The following WDR44 variants were observed in gnomAD, a reference collection of about 807,000 sequenced individuals.
WDR44 encodes WD repeat-containing protein 44.
Under a neutral mutation model 65.7 loss-of-function variants are expected in WDR44, and 9 were observed. The observed-to-expected ratio is 0.14, with a 90% CI of 0.08 to 0.24. The LOEUF is 0.24. Ranked by LOEUF, WDR44 falls within the 10% of genes least tolerant of loss-of-function variation. The probability of loss-of-function intolerance (pLI) is 1.00; values close to 1 mark genes in which losing one functional copy is unlikely to be tolerated. For synonymous variants in WDR44, 220 were observed against 235.2 expected (o/e 0.94, Z 0.59); for missense variants, 425 against 670.9 (o/e 0.63, Z 4.05).
Position 118,439,374 on chromosome X carries a change from A to G in WDR44, c.1975-1994A>G, listed in dbSNP as rs183220868. On this transcript the variant is annotated intron_variant, in intron 14 of 19. Transcript: ENST00000254029. ...GTGGATCACCTGAGGTCAGGAGTTC[A>G]AGACCAGCCTGGCCAACATGGTGAA... Among the ~76,000 whole-genome samples, 927 of 107,634 alleles carry G rather than the reference A, an allele frequency of 8.6e-3. 6 individuals carry two copies. The highest frequency in any genetic ancestry group is 0.028 in the African/African-American group (825 of 29,607). 93.5% of individuals were successfully genotyped at this position (107,634 alleles called of 115,157 possible). A position where few individuals can be genotyped will look rare whatever the true frequency, so the allele number is the denominator to read the frequency against.
At chrX:118,388,059 G>A (rs1398724955) in intron 3 of WDR44, among the ~76,000 whole-genome samples, 1 of 111,287 alleles carries the variant, frequency 9.0e-6, no homozygotes, top group Admixed American at 9.6e-5. Flanking sequence ...ACTGGCACTC[G>A]ACATTTTGGG....
At chrX:118,414,504 A>T (rs1451577912) in intron 12 of WDR44, among the ~76,000 whole-genome samples, 2 of 110,725 alleles carry the variant, frequency 1.8e-5, no homozygotes, top group Non-Finnish European at 3.8e-5. Flanking sequence ...GATTCTACCC[A>T]TCCATGAGCA....
At chrX:118,437,990 C>G (rs750924092) in intron 14 of WDR44, among the ~76,000 whole-genome samples, 1 of 108,159 alleles carries the variant, frequency 9.2e-6, no homozygotes. Flanking sequence ...GAGCTGAGAT[C>G]GCGCCAGCCT....
intron 1 of WDR44, among the ~76,000 whole-genome samples, chrX:118,352,531 A>T (rs2056424669): frequency 9.5e-6 from 1 of 104,747 alleles, no homozygotes; most frequent in African/African-American, 3.5e-5. Flanking sequence ...AAATAGTTTT[A>T]GGATGTGAAG....
At position 118,422,703 on chromosome X, in the gene WDR44, A is replaced by T. The variant is rs564837187; in HGVS notation, c.1738-10078A>T. ...CAAAACTCCGTCTCAAAAAAAAAAA[A>T]AGAAAAATTTCTGAGAGTATATCAT... On this transcript the variant is annotated intron_variant, in intron 12 of 19. Coordinates refer to ENST00000254029, the MANE Select transcript of WDR44 (RefSeq NM_019045.5). Among the ~76,000 whole-genome samples the T allele has an allele frequency of 9.0e-5, 10 of 111,533 alleles. No individual in the cohort carries two copies. In the East Asian group the frequency reaches 2.2e-3, roughly 25 times the overall value.
intron 19 of WDR44, chrX:118,447,010 C>T (rs2057351574): frequency 3.2e-6 from 1 of 309,984 alleles, no homozygotes; most frequent in Non-Finnish European, 6.1e-6. Flanking sequence ...GCTAGGACTA[C>T]ACGTACTACC....
chrX:118,346,689 C>T, intron 1 of WDR44, 109 bp downstream of exon 1: 2 of 615,861 alleles, frequency 3.2e-6, no homozygotes, highest in Non-Finnish European at 4.8e-6. Context: ...CACCGCTGTT[C>T]CTCCCCGTCT....
chrX:118,440,616 G>A (rs193243804), intron 14 of WDR44, among the ~76,000 whole-genome samples: 394 of 110,303 alleles, frequency 3.6e-3, no homozygotes, highest in African/African-American at 0.012. Flanking sequence ...CCGTAAACAC[G>A]CCCCCCCAAA....
chrX:118,412,181 A>G lies in WDR44; in HGVS notation c.1737+1222A>G, dbSNP rs149668506. On this transcript the variant is annotated intron_variant, in intron 12 of 19. Coordinates refer to ENST00000254029, the MANE Select transcript of WDR44 (RefSeq NM_019045.5). ...AGCGTGTCAGACCCAGGGACTAGCAAGTGCAAAAGCATGGAGGCTAGTATG... is the reference window on the plus strand; with the variant it reads ...AGCGTGTCAGACCCAGGGACTAGCAGGTGCAAAAGCATGGAGGCTAGTATG... Among the ~76,000 whole-genome samples the G allele has an allele frequency of 7.7e-3, 861 of 112,140 alleles. 10 individuals carry two copies. The highest frequency in any genetic ancestry group is 0.027 in the African/African-American group (824 of 30,930).
chrX:118,415,203 C>T (rs965062194), intron 12 of WDR44, among the ~76,000 whole-genome samples: 5 of 104,086 alleles, frequency 4.8e-5, no homozygotes, highest in African/African-American at 2.0e-4. Context: ...TATGTTAAAC[C>T]ATCCCTGCAT....
In WDR44 at chrX:118,387,730, A is replaced by G. The variant is rs187268128; in HGVS notation, c.186+316A>G. Among the ~76,000 whole-genome samples the G allele has an allele frequency of 1.4e-4, 16 of 111,938 alleles. No individual in the cohort carries two copies. In the East Asian group the frequency reaches 4.5e-3, roughly 31 times the overall value. On this transcript the variant is annotated intron_variant, in intron 3 of 19. Transcript: ENST00000254029. ...AGGAGTTATGGGTATTGAAAAGCTC[A>G]GTGCAGCAACATTCTGATGTCTTTA... is the stretch of plus-strand genomic sequence containing the variant.
intron 1 of WDR44, among the ~76,000 whole-genome samples, chrX:118,361,253 A>G (rs1190204551): frequency 1.8e-5 from 2 of 111,828 alleles, no homozygotes; most frequent in East Asian, 2.8e-4. Flanking sequence ...ATGTAAGTTT[A>G]GTCTACACAC....
At chrX:118,407,849 A>C (rs770100266) in intron 10 of WDR44, among the ~76,000 whole-genome samples, 1 of 112,392 alleles carries the variant, frequency 8.9e-6, no homozygotes, top group East Asian at 2.8e-4. Context: ...GATAAAATTT[A>C]GATCTGAATA....
chrX:118,364,734 T>C (rs2056539305), intron 1 of WDR44, among the ~76,000 whole-genome samples: 1 of 112,338 alleles, frequency 8.9e-6, no homozygotes, highest in South Asian at 3.7e-4. Context: ...AGATTGTCTG[T>C]TCCAGCCTTC....
chrX:118,409,340 G>A lies in WDR44; in HGVS notation c.1534-149G>A, dbSNP rs754890187. 924 of 483,839 alleles carry A rather than the reference G, an allele frequency of 1.9e-3. 3 individuals are homozygous for A. The highest frequency in any genetic ancestry group is 2.6e-3 in the Non-Finnish European group (787 of 305,402). The allele number at this position is 483,839 out of a possible 1,213,427, so 39.9% of individuals were successfully genotyped here. On this transcript the variant is annotated intron_variant, in intron 10 of 19. Coordinates refer to ENST00000254029, the MANE Select transcript of WDR44 (RefSeq NM_019045.5). ...AGATGGGGTTTTACCATGTTGGCCA[G>A]GCTGGTCTCGAACTCCTGACCTTAG...
Position 118,442,672 on chromosome X carries a change from A to G in WDR44, c.2376A>G (p.Ala792=). 2 of 1,204,545 alleles carry G rather than the reference A, an allele frequency of 1.7e-6. No homozygotes were observed. The highest frequency in any genetic ancestry group is 2.2e-6 in the Non-Finnish European group (2 of 889,581). Residue 792 remains alanine (A), a synonymous_variant, in exon 17 of 20, where the codon GCA becomes GCG. Coordinates refer to ENST00000254029, the MANE Select transcript of WDR44 (RefSeq NM_019045.5). ...TCAATAGCAGCAGCCAGATCAAAGC[A>G]AGTTTCAGGTAAATTGGCAATGAGA... is the stretch of plus-strand genomic sequence containing the variant. The part of the protein sequence containing the change: ...GYVNSSSQIK[A]SFSHDFTYLV...
Position 118,354,524 on chromosome X carries a change from T to C in WDR44, c.77+7944T>C, listed in dbSNP as rs772310425. On this transcript the variant is annotated intron_variant, in intron 1 of 19. Coordinates refer to ENST00000254029, the MANE Select transcript of WDR44 (RefSeq NM_019045.5). ...TTTCACTTTCTCCACAGAGTCCTGA[T>C]CTTTAAAATTTTTCAAAGGGGGAGT... Among the ~76,000 whole-genome samples, 11 of 111,442 alleles carry C rather than the reference T, an allele frequency of 9.9e-5. No homozygotes were observed. In the East Asian group the frequency reaches 3.1e-3, roughly 31 times the overall value.
chrX:118,429,782 A>G (rs1444659051), intron 12 of WDR44, among the ~76,000 whole-genome samples: 1 of 110,216 alleles, frequency 9.1e-6, no homozygotes, highest in Non-Finnish European at 1.9e-5. Flanking sequence ...AGTAGCTAGG[A>G]TTACAGGTGT....
At chrX:118,360,938 C>T (rs2056505950) in intron 1 of WDR44, among the ~76,000 whole-genome samples, 1 of 111,442 alleles carries the variant, frequency 9.0e-6, no homozygotes, top group Non-Finnish European at 1.9e-5. Context: ...CTTTTTACCT[C>T]TTTAGGAGTC....
Sources: allele counts gnomAD v4.1 joint callset (sites outside exome capture counted in the v4.1 genomes callset), GRCh38; gene constraint gnomAD v4.1.1; transcripts MANE v1.5; gene names NCBI Gene and HGNC (gene_info 2026-07-23, HGNC 2026-07-21).